Variants in SBF2 observed in about 807,000 individuals in gnomAD.
SBF2 encodes the protein SET binding factor 2.
In SBF2, 112 loss-of-function variants were observed where a neutral mutation model predicts 225.2. The ratio of observed to expected loss-of-function variants is 0.50; its 90% CI spans 0.43 to 0.58. The LOEUF (loss-of-function observed/expected upper bound fraction) is 0.58. Ranked by LOEUF, SBF2 falls within the 20% of genes least tolerant of loss-of-function variation. The pLI, the probability that SBF2 is intolerant of heterozygous loss-of-function variation, is 0.00. For missense variants in SBF2, 1,996 were observed against 2,206.2 expected (o/e 0.90, Z 1.91); for synonymous variants, 763 against 773.3 (o/e 0.99, Z 0.22).
chr11:9,900,043 T>TAAA (rs1564974879), intron 16 of SBF2, among the ~76,000 whole-genome samples: 20 of 92,824 alleles, frequency 2.2e-4, no homozygotes, highest in African/African-American at 8.6e-4. Flanking sequence ...TTTTTTTTTT[T>TAAA]TAAAAAAAAA....
intron 1 of SBF2, among the ~76,000 whole-genome samples, chr11:10,238,856 T>C (rs1959171538): frequency 6.6e-6 from 1 of 150,912 alleles, no homozygotes; most frequent in Non-Finnish European, 1.5e-5. Flanking sequence ...GAGGTTGCGG[T>C]GAGCCGAGAT....
intron 2 of SBF2, among the ~76,000 whole-genome samples, chr11:10,090,688 C>T (rs940651194): frequency 1.4e-5 from 2 of 138,736 alleles, no homozygotes; most frequent in African/African-American, 2.7e-5. Flanking sequence ...TCACTTGAAT[C>T]TGGGAGGCGG....
chr11:9,852,005 G>C (rs528546442), intron 21 of SBF2, among the ~76,000 whole-genome samples: 1 of 152,264 alleles, frequency 6.6e-6, no homozygotes, highest in South Asian at 2.1e-4. Flanking sequence ...AAACTCCTGG[G>C]CTCAAGTCAT....
chr11:10,177,105 A>G (rs1956499604), intron 2 of SBF2, among the ~76,000 whole-genome samples: 1 of 151,920 alleles, frequency 6.6e-6, no homozygotes, highest in African/African-American at 2.4e-5. Flanking sequence ...TGATTATCTC[A>G]ATAGATGCAC....
At chr11:10,050,532 C>CTAA (rs1950023137) in intron 2 of SBF2, among the ~76,000 whole-genome samples, 1 of 151,896 alleles carries the variant, frequency 6.6e-6, no homozygotes, top group Non-Finnish European at 1.5e-5. Flanking sequence ...TAAAATATAA[C>CTAA]AATTATGATA....
At position 10,082,840 on chromosome 11, in the gene SBF2, C is replaced by T. The variant is rs555128989; in HGVS notation, c.142-39859G>A. Among the ~76,000 whole-genome samples the T allele has an allele frequency of 4.6e-5, 7 of 152,186 alleles. No individual in the cohort carries two copies. In the South Asian group the frequency reaches 8.3e-4, roughly 18 times the overall value. On this transcript the variant is annotated intron_variant, in intron 2 of 39. Transcript: ENST00000256190. ...AGAGCTGGGACAAGATAAGGATGCT[C>T]GCTATCACCACTCCTATTCAACACA... is the stretch of plus-strand genomic sequence containing the variant.
intron 1 of SBF2, among the ~76,000 whole-genome samples, chr11:10,251,468 A>G (rs1318478270): frequency 6.6e-6 from 1 of 152,216 alleles, no homozygotes; most frequent in Non-Finnish European, 1.5e-5. Context: ...CTGTGCAGCT[A>G]CTGACACTTG....
chr11:10,167,389 C>G (rs993170753), intron 2 of SBF2, among the ~76,000 whole-genome samples: 1 of 151,920 alleles, frequency 6.6e-6, no homozygotes, highest in Non-Finnish European at 1.5e-5. Flanking sequence ...CATACTGAAC[C>G]CTGGTCTCTA....
At chr11:9,939,993 T>C (rs1464243201) in intron 16 of SBF2, among the ~76,000 whole-genome samples, 1 of 152,220 alleles carries the variant, frequency 6.6e-6, no homozygotes, top group Non-Finnish European at 1.5e-5. Context: ...ACTGAATCTC[T>C]TGATATTATA....
chr11:10,293,987 C>T (rs1049385454), intron 1 of SBF2, 28 bp downstream of exon 1: 25 of 1,321,742 alleles, frequency 1.9e-5, no homozygotes, highest in Admixed American at 1.0e-4. Flanking sequence ...CGGGGAGGCC[C>T]GGGGGCGGTG....
At chr11:10,288,567 G>T (rs917095917) in intron 1 of SBF2, among the ~76,000 whole-genome samples, 1 of 152,066 alleles carries the variant, frequency 6.6e-6, no homozygotes, top group African/African-American at 2.4e-5. Context: ...TTGTCCTGCT[G>T]TCTGCAGCTC....
intron 5 of SBF2, 74 bp from the exon 6 acceptor site, chr11:10,028,631 A>T: frequency 7.2e-6 from 7 of 967,882 alleles, no homozygotes; most frequent in East Asian, 2.5e-5. Context: ...AATACCTTCG[A>T]TGTTCATTTT....
chr11:10,030,441 G>T (rs1044181188), intron 4 of SBF2, among the ~76,000 whole-genome samples: 24 of 152,084 alleles, frequency 1.6e-4, no homozygotes, highest in African/African-American at 4.8e-4. Flanking sequence ...TTGGAGTTAC[G>T]CATTGTCATT....
intron 24 of SBF2, among the ~76,000 whole-genome samples, chr11:9,843,342 T>A (rs1303320990): frequency 2.0e-5 from 3 of 152,206 alleles, no homozygotes; most frequent in Non-Finnish European, 4.4e-5. Flanking sequence ...AAAAATAATA[T>A]AATTCCCCTT....
intron 2 of SBF2, among the ~76,000 whole-genome samples, chr11:10,084,695 A>G (rs1257170180): frequency 1.3e-5 from 2 of 152,272 alleles, no homozygotes; most frequent in Admixed American, 1.3e-4. Flanking sequence ...GTGTCCATCA[A>G]CGGATGACTG....
At chr11:9,954,273 T>C (rs1010522805) in intron 16 of SBF2, among the ~76,000 whole-genome samples, 3 of 152,186 alleles carry the variant, frequency 2.0e-5, no homozygotes, top group Admixed American at 1.3e-4. Context: ...AATCACTACC[T>C]AAAAATTAGT....
rs148952044 is a variant in SBF2, at chr11:9,782,118, C to T, written c.5320-480G>A. On this transcript the variant is annotated intron_variant, in intron 38 of 39. Transcript: ENST00000256190. ...GGAGGATTGCTTGAGCCTGTGAGGT[C>T]GAGCTGCAGTGAGCTGAGATCCTGC... Among the ~76,000 whole-genome samples the T allele has an allele frequency of 3.5e-4, 53 of 150,930 alleles. No individual in the cohort carries two copies. The East Asian group carries it at 9.0e-3, about 26-fold the overall frequency.
At chr11:10,199,492 C>A (rs1747946335) in intron 1 of SBF2, among the ~76,000 whole-genome samples, 2 of 151,642 alleles carry the variant, frequency 1.3e-5, no homozygotes, top group Admixed American at 6.6e-5. Flanking sequence ...TGGGTTGCCA[C>A]AAATCTTCAA....
Position 9,989,055 on chromosome 11 carries a change from T to TATATATATATATATATATATATATAC in SBF2, c.1395+441_1395+442insGTATATATATATATATATATATATAT, listed in dbSNP as rs963608316. 5.3e-4 allele frequency among the ~76,000 whole-genome samples: 76 copies of TATATATATATATATATATATATATAC among 142,706 alleles called. 4 individuals are homozygous for TATATATATATATATATATATATATAC. Among genetic ancestry groups the TATATATATATATATATATATATATAC allele is most frequent in the South Asian group, 7.3e-4 (3 of 4,110 alleles). 93.6% of individuals were successfully genotyped at this position (142,706 alleles called of 152,430 possible). On this transcript the variant is annotated intron_variant, in intron 13 of 39. Transcript: ENST00000256190. ...ACTGTGCCAAATATATATATATATA[T>TATATATATATATATATATATATATAC]ACATATGCATACATACACATACACA...
Sources: gnomAD v4.1 joint callset for allele counts (sites outside exome capture counted in the v4.1 genomes callset) on GRCh38, gnomAD v4.1.1 for gene constraint, MANE v1.5 for transcripts, NCBI Gene and HGNC (gene_info 2026-07-23, HGNC 2026-07-21) for gene names.